Variants in PEAK1 observed in about 807,000 individuals in gnomAD.
PEAK1 encodes the protein pseudopodium enriched atypical kinase 1, also known as inactive tyrosine-protein kinase PEAK1.
Under a neutral mutation model 124.7 loss-of-function variants are expected in PEAK1, and 54 were observed. The observed-to-expected ratio is 0.43, with a 90% CI of 0.35 to 0.54. The LOEUF is 0.54. PEAK1 is among the 20% of genes least tolerant of loss of function. The pLI is 0.01. For missense variants in PEAK1, 2,046 were observed against 2,134.5 expected (o/e 0.96, Z 0.82); for synonymous variants, 719 against 760.0 (o/e 0.95, Z 0.89).
intron 8 of PEAK1, among the ~76,000 whole-genome samples, chr15:77,137,415 G>T (rs2053426526): frequency 6.6e-6 from 1 of 152,224 alleles, no homozygotes; most frequent in Non-Finnish European, 1.5e-5. Flanking sequence ...TGGGAGGGAG[G>T]CTATACCCTG....
intron 8 of PEAK1, among the ~76,000 whole-genome samples, chr15:77,139,945 T>C (rs1161318812): frequency 1.3e-5 from 2 of 152,104 alleles, no homozygotes. Flanking sequence ...GCTTTTGTTT[T>C]ATTCACTGCT....
chr15:77,298,380 A>G (rs1028729792), intron 2 of PEAK1, among the ~76,000 whole-genome samples: 2 of 150,488 alleles, frequency 1.3e-5, no homozygotes, highest in Non-Finnish European at 1.5e-5. Flanking sequence ...CACCACGCCC[A>G]GCTAATTTTT....
At chr15:77,397,432 T>C in intron 1 of PEAK1, among the ~76,000 whole-genome samples, 1 of 150,534 alleles carries the variant, frequency 6.6e-6, no homozygotes, top group Non-Finnish European at 1.5e-5. Flanking sequence ...AAACCCAAAA[T>C]TAGTAGAAGA....
chr15:77,222,693 T>C (rs560900814), intron 6 of PEAK1, among the ~76,000 whole-genome samples: 6 of 152,088 alleles, frequency 3.9e-5, no homozygotes, highest in South Asian at 4.1e-4. Flanking sequence ...CCCTTCACTA[T>C]AGCCCTCTGG....
chr15:77,108,049 T>C (rs1402727968), downstream of PEAK1: 2 of 152,224 alleles, frequency 1.3e-5, no homozygotes, highest in African/African-American at 4.8e-5. Context: ...TTTCCTGTGT[T>C]ATGGACAGGG....
At chr15:77,285,795 C>CA (rs1208755912) in intron 3 of PEAK1, among the ~76,000 whole-genome samples, 1 of 151,770 alleles carries the variant, frequency 6.6e-6, no homozygotes, top group African/African-American at 2.4e-5. Flanking sequence ...CTGATCTTTT[C>CA]AAAAAAACAG....
chr15:77,318,754 G>A (rs1011619100), intron 2 of PEAK1, among the ~76,000 whole-genome samples: 22 of 151,792 alleles, frequency 1.4e-4, no homozygotes, highest in Non-Finnish European at 2.6e-4. Context: ...CAAACATGCG[G>A]TATAAGTAAC....
chr15:77,207,305 G>A (rs374762566), intron 6 of PEAK1, among the ~76,000 whole-genome samples: 13 of 152,290 alleles, frequency 8.5e-5, no homozygotes, highest in South Asian at 8.3e-4. Flanking sequence ...TTCTTGGTAC[G>A]TATGTTAAGA....
chr15:77,200,462 T>C (rs1300953781), intron 6 of PEAK1, among the ~76,000 whole-genome samples: 1 of 152,136 alleles, frequency 6.6e-6, no homozygotes, highest in Non-Finnish European at 1.5e-5. Context: ...CATTCTAAAA[T>C]TCACTACTCA....
At chr15:77,370,832 C>T in intron 1 of PEAK1, 1 of 682,334 alleles carries the variant, frequency 1.5e-6, no homozygotes, top group Non-Finnish European at 1.8e-6. Context: ...GAGTTCGAGA[C>T]CATCCTGGCC....
At chr15:77,331,772 C>T (rs1029382216) in intron 2 of PEAK1, among the ~76,000 whole-genome samples, 2 of 151,898 alleles carry the variant, frequency 1.3e-5, no homozygotes, top group Non-Finnish European at 2.9e-5. Context: ...CTCGTGCCAC[C>T]GCGCCCAGCT....
intron 2 of PEAK1, among the ~76,000 whole-genome samples, chr15:77,303,275 A>C (rs2152993406): frequency 6.6e-6 from 1 of 152,336 alleles, no homozygotes; most frequent in African/African-American, 2.4e-5. Flanking sequence ...GTAAATACCT[A>C]AGAGCATAAC....
chr15:77,175,841 T>G (rs1402225298), intron 7 of PEAK1, among the ~76,000 whole-genome samples: 2 of 152,156 alleles, frequency 1.3e-5, no homozygotes, highest in African/African-American at 2.4e-5. Flanking sequence ...TAGCAAAGAC[T>G]TGGAACCAAC....
intron 1 of PEAK1, chr15:77,417,372 C>G (rs1163879045): frequency 1.0e-5 from 10 of 979,396 alleles, no homozygotes; most frequent in Non-Finnish European, 8.4e-6. Context: ...CTAAGGAAAA[C>G]AAACCAGCCT....
chr15:77,198,955 G>A (rs2058234064), intron 6 of PEAK1, among the ~76,000 whole-genome samples: 1 of 152,122 alleles, frequency 6.6e-6, no homozygotes, highest in South Asian at 2.1e-4. Context: ...CTATTTTGTG[G>A]GGGGAAAAAG....
At chr15:77,137,891 CAT>C (rs1175861472) in intron 8 of PEAK1, among the ~76,000 whole-genome samples, 1 of 152,152 alleles carries the variant, frequency 6.6e-6, no homozygotes, top group African/African-American at 2.4e-5. Flanking sequence ...TGAATTCCCA[CAT>C]GTTGTGGGAG....
intron 7 of PEAK1, among the ~76,000 whole-genome samples, chr15:77,168,594 C>G (rs1003777570): frequency 6.6e-6 from 1 of 152,146 alleles, no homozygotes; most frequent in Non-Finnish European, 1.5e-5. Context: ...CCATAGTTTG[C>G]CAACTCCTGG....
intron 6 of PEAK1, among the ~76,000 whole-genome samples, chr15:77,226,251 T>C (rs938868364): frequency 6.6e-5 from 10 of 150,464 alleles, no homozygotes; most frequent in African/African-American, 2.4e-4. Flanking sequence ...AACCCTGTCT[T>C]TGATATTTGA....
At chr15:77,250,230 T>TAC (rs1431220671) in intron 6 of PEAK1, among the ~76,000 whole-genome samples, 3 of 125,352 alleles carry the variant, frequency 2.4e-5, no homozygotes, top group African/African-American at 9.5e-5. Context: ...TACACATATA[T>TAC]ATGTATATGT....
Sources: allele counts gnomAD v4.1 joint callset (sites outside exome capture counted in the v4.1 genomes callset), GRCh38; gene constraint gnomAD v4.1.1; transcripts MANE v1.5; gene names NCBI Gene and HGNC (gene_info 2026-07-23, HGNC 2026-07-21).